The following TEAD1 variants were observed in gnomAD, a reference collection of about 807,000 sequenced individuals.
The protein encoded by TEAD1 is TEA domain transcription factor 1.
A neutral mutation model predicts 54.9 loss-of-function variants in TEAD1; 9 were observed. The observed-to-expected ratio is 0.16, with a 90% confidence interval of 0.10 to 0.29. The LOEUF (loss-of-function observed/expected upper bound fraction) is 0.29. Ranked by LOEUF, TEAD1 falls within the 10% of genes least tolerant of loss-of-function variation. TEAD1 has a pLI of 1.00. For missense variants in TEAD1, 387 were observed against 535.9 expected (o/e 0.72, Z 2.74); for synonymous variants, 200 against 187.8 (o/e 1.07, Z -0.53).
At chr11:12,794,589 A>G (rs2133966047) in intron 3 of TEAD1, among the ~76,000 whole-genome samples, 1 of 152,268 alleles carries the variant, frequency 6.6e-6, no homozygotes, top group Non-Finnish European at 1.5e-5. Context: ...GGGCCCCTGA[A>G]CTTTGACATC....
At chr11:12,786,354 T>C (rs562883144) in intron 3 of TEAD1, among the ~76,000 whole-genome samples, 2 of 152,264 alleles carry the variant, frequency 1.3e-5, no homozygotes, top group South Asian at 4.2e-4. Context: ...AAATGGTTCT[T>C]CACTGGGTCT....
intron 3 of TEAD1, among the ~76,000 whole-genome samples, chr11:12,818,522 G>A (rs1946464653): frequency 6.6e-6 from 1 of 152,108 alleles, no homozygotes; most frequent in South Asian, 2.1e-4. Flanking sequence ...TCCGGCATCC[G>A]GCTCCTTGGG....
intron 9 of TEAD1, among the ~76,000 whole-genome samples, chr11:12,889,427 C>T (rs1589962649): frequency 6.6e-6 from 1 of 152,302 alleles, no homozygotes; most frequent in East Asian, 1.9e-4. Context: ...CTGGCAAACC[C>T]CTGCCTGCTC....
In TEAD1 at chr11:12,938,143, A is replaced by G. The variant is rs1396968948; in HGVS notation, c.*921A>G. 2.0e-5 allele frequency: 3 copies of G among 152,622 alleles called. No individual in the cohort carries two copies. Among genetic ancestry groups the G allele is most frequent in the South Asian group, 2.1e-4 (1 of 4,828 alleles). The allele number at this position is 152,622 out of a possible 1,614,324, so 9.5% of individuals were successfully genotyped here. On this transcript the variant is annotated 3_prime_UTR_variant, in exon 13 of 13. Coordinates refer to ENST00000527636, the MANE Select transcript of TEAD1 (RefSeq NM_021961.6). ...CAGTTATATTTTATATGGACGACCAAATTTTTTATTAAGATGAGTAAATAT... is the reference window on the plus strand; with the variant it reads ...CAGTTATATTTTATATGGACGACCAGATTTTTTATTAAGATGAGTAAATAT...
chr11:12,867,706 A>T (rs190629091), intron 5 of TEAD1, among the ~76,000 whole-genome samples: 1 of 152,236 alleles, frequency 6.6e-6, no homozygotes, highest in African/African-American at 2.4e-5. Flanking sequence ...ATCTTTACCG[A>T]GGTCATCATG....
intron 10 of TEAD1, among the ~76,000 whole-genome samples, chr11:12,917,828 G>A (rs1231598885): frequency 6.6e-6 from 1 of 152,164 alleles, no homozygotes; most frequent in Non-Finnish European, 1.5e-5. Flanking sequence ...ACCTTCCCCA[G>A]CCATATTTCT....
In TEAD1 at chr11:12,767,580, T is replaced by C. The variant is rs567089390; in HGVS notation, c.202+3146T>C. Reference sequence around the variant, plus strand: ...TGGCAGTAGGGCAAATGCAGTCTTATAAAGGAGAAAAAAGGACAACTCTAT... The same window carrying C: ...TGGCAGTAGGGCAAATGCAGTCTTACAAAGGAGAAAAAAGGACAACTCTAT... On this transcript the variant is annotated intron_variant, in intron 3 of 12. Transcript: ENST00000527636. 1.4e-3 allele frequency among the ~76,000 whole-genome samples: 208 copies of C among 152,246 alleles called. 2 individuals carry two copies. The highest frequency in any genetic ancestry group is 4.9e-3 in the African/African-American group (204 of 41,566).
intron 2 of TEAD1, among the ~76,000 whole-genome samples, chr11:12,695,239 TGA>T (rs1943555317): frequency 6.6e-6 from 1 of 152,234 alleles, no homozygotes; most frequent in Non-Finnish European, 1.5e-5. Context: ...GAGGCTTGAC[TGA>T]GAGTCATAAT....
intron 2 of TEAD1, among the ~76,000 whole-genome samples, chr11:12,762,282 A>T (rs1329011581): frequency 1.3e-5 from 2 of 152,174 alleles, no homozygotes; most frequent in African/African-American, 4.8e-5. Context: ...CTGCTCAAAG[A>T]ATTCATTCTT....
At chr11:12,687,557 C>G (rs1943359863) in intron 2 of TEAD1, among the ~76,000 whole-genome samples, 1 of 152,202 alleles carries the variant, frequency 6.6e-6, no homozygotes, top group South Asian at 2.1e-4. Flanking sequence ...CACATCAAGT[C>G]ACCTATCCGG....
At chr11:12,875,146 G>A (rs1947829258) in intron 5 of TEAD1, among the ~76,000 whole-genome samples, 1 of 152,190 alleles carries the variant, frequency 6.6e-6, no homozygotes. Context: ...ATGTTGGTGT[G>A]AAGACATCTT....
chr11:12,756,797 A>G (rs1944990342), intron 2 of TEAD1, among the ~76,000 whole-genome samples: 1 of 152,180 alleles, frequency 6.6e-6, no homozygotes, highest in African/African-American at 2.4e-5. Context: ...TGAACCTCAC[A>G]AGGTGGGGAT....
chr11:12,694,845 T>C (rs1943545882), intron 2 of TEAD1, among the ~76,000 whole-genome samples: 1 of 152,196 alleles, frequency 6.6e-6, no homozygotes, highest in South Asian at 2.1e-4. Context: ...TCATTGGAAG[T>C]TCTGATAGAA....
intron 9 of TEAD1, among the ~76,000 whole-genome samples, chr11:12,884,433 C>T (rs764168802): frequency 2.6e-5 from 4 of 152,162 alleles, no homozygotes; most frequent in Non-Finnish European, 4.4e-5. Context: ...TTTCTATTAT[C>T]GGGAGACAGT....
chr11:12,788,960 C>T (rs529704916), intron 3 of TEAD1, among the ~76,000 whole-genome samples: 4 of 152,194 alleles, frequency 2.6e-5, no homozygotes, highest in African/African-American at 7.2e-5. Context: ...GTGTTGCCCA[C>T]GCTGGTCTCA....
intron 2 of TEAD1, among the ~76,000 whole-genome samples, chr11:12,760,717 G>C (rs780398754): frequency 1.1e-4 from 16 of 152,154 alleles, no homozygotes; most frequent in Non-Finnish European, 1.9e-4. Context: ...CACATTTTTA[G>C]GGTTCTCCTA....
chr11:12,851,061 C>T (rs1947263703), intron 3 of TEAD1: 6 of 972,326 alleles, frequency 6.2e-6, no homozygotes, highest in African/African-American at 1.7e-5. Flanking sequence ...ATCTTTTCTT[C>T]GGATTTTCTT....
Position 12,911,678 on chromosome 11 carries a change from C to CTTTT in TEAD1, c.873+9578_873+9581dup, listed in dbSNP as rs386373128. Among the ~76,000 whole-genome samples, 509 of 136,960 alleles carry CTTTT rather than the reference C, an allele frequency of 3.7e-3. 3 individuals are homozygous for CTTTT. The highest frequency in any genetic ancestry group is 0.013 in the African/African-American group (479 of 37,126). The allele number at this position is 136,960 out of a possible 152,430, so 89.9% of individuals were successfully genotyped here. The stretch of plus-strand genomic sequence containing the variant: ...TTAAGTAGACTGTGGTTACATGAGT[C>CTTTT]TTTTTTTTTTTTTTTTAATTATCTC... On this transcript the variant is annotated intron_variant, in intron 10 of 12. Coordinates refer to ENST00000527636, the MANE Select transcript of TEAD1 (RefSeq NM_021961.6).
rs557801878 is a variant in TEAD1 at position 12,718,378 on chromosome 11, T to C, written c.-55+42817T>C. ...GGATTGTCTTGGGGGCATGACAAGA[T>C]AATGAAAGTCAAAGTGCTTTGCAAA... On this transcript the variant is annotated intron_variant, in intron 2 of 12. Transcript: ENST00000527636. Among the ~76,000 whole-genome samples, 23 of 152,296 alleles carry C rather than the reference T, an allele frequency of 1.5e-4. No homozygotes were observed. The South Asian group carries it at 3.9e-3, about 26-fold the overall frequency.
Sources: allele counts gnomAD v4.1 joint callset (sites outside exome capture counted in the v4.1 genomes callset), GRCh38; gene constraint gnomAD v4.1.1; transcripts MANE v1.5; gene names NCBI Gene and HGNC (gene_info 2026-07-23, HGNC 2026-07-21).